Variants in ALPL observed in about 807,000 individuals in gnomAD.
ALPL encodes the protein alkaline phosphatase, tissue-nonspecific isozyme.
Under a neutral mutation model 51.3 loss-of-function variants are expected in ALPL, and 42 were observed. The ratio of observed to expected loss-of-function variants is 0.82; its 90% CI spans 0.64 to 1.06. The LOEUF (loss-of-function observed/expected upper bound fraction) is 1.06, where lower values mean the gene tolerates loss of function less well. ALPL is among the 50% of genes least tolerant of loss of function. ALPL has a pLI of 0.00. For missense variants in ALPL, 589 were observed against 709.4 expected (o/e 0.83, Z 1.93); for synonymous variants, 279 against 296.4 (o/e 0.94, Z 0.60).
chr1:21,535,066 C>T (rs1644080045), intron 1 of ALPL, among the ~76,000 whole-genome samples: 1 of 152,122 alleles, frequency 6.6e-6, no homozygotes, highest in African/African-American at 2.4e-5. Flanking sequence ...CTAGAACAGC[C>T]CCTGGCATAT....
Position 21,563,233 on chromosome 1 carries a change from A to G in ALPL, c.421A>G (p.Thr141Ala). 6.2e-7 allele frequency: 1 copy of G among 1,613,784 alleles called. No individual in the cohort carries two copies. Among genetic ancestry groups the G allele is most frequent in the African/African-American group, 1.3e-5 (1 of 75,034 alleles). ...SAATERSRCN[T>A]TQGNEVTSIL... ...AGCCACTGAGCGTTCCCGGTGCAAC[A>G]CCACCCAGGGGAACGAGGTCACCTC... The change falls in exon 5 of 12, where the codon ACC becomes GCC. Residue 141 changes from threonine to alanine, a missense_variant. Transcript: ENST00000374840.
At chr1:21,555,776 TTTTC>T (rs1384387798) in intron 2 of ALPL, among the ~76,000 whole-genome samples, 1 of 151,370 alleles carries the variant, frequency 6.6e-6, no homozygotes, top group African/African-American at 2.4e-5. Context: ...AGTTTTTTGT[TTTTC>T]TTTTTTTTGA....
rs1265450081 is a variant in ALPL at position 21,568,133 on chromosome 1, G to A, written c.678G>A (p.Met226Ile). The part of the protein sequence containing the change: ...DVIMGGGRKY[M>I]YPKNKTDVEY... The stretch of plus-strand genomic sequence containing the variant: ...TCATGGGGGGTGGCCGGAAATACAT[G>A]TACCCCAAGAATAAAACTGATGTGG... Residue 226 changes from methionine (M) to isoleucine (I), a missense_variant, in exon 7 of 12, where the codon ATG becomes ATA. Coordinates refer to ENST00000374840, the MANE Select transcript of ALPL (RefSeq NM_000478.6). 2 of 1,613,988 alleles carry A rather than the reference G, an allele frequency of 1.2e-6. No individual in the cohort carries two copies. The highest frequency in any genetic ancestry group is 1.7e-6 in the Non-Finnish European group (2 of 1,180,040).
intron 1 of ALPL, among the ~76,000 whole-genome samples, chr1:21,523,519 C>T (rs868305199): frequency 2.0e-5 from 3 of 152,166 alleles, no homozygotes; most frequent in Non-Finnish European, 4.4e-5. Flanking sequence ...TGCATGCTGG[C>T]GCTATATGAT....
intron 4 of ALPL, among the ~76,000 whole-genome samples, chr1:21,561,817 C>T (rs1303187233): frequency 1.3e-5 from 2 of 152,048 alleles, no homozygotes; most frequent in African/African-American, 4.8e-5. Context: ...CAGGCATGCG[C>T]CACCATGCCC....
chr1:21,546,205 C>T lies in ALPL; in HGVS notation c.-104-7773C>T, dbSNP rs573079019. Among the ~76,000 whole-genome samples the T allele has an allele frequency of 5.3e-5, 8 of 152,204 alleles. No homozygotes were observed. In the East Asian group the frequency reaches 9.6e-4, roughly 18 times the overall value. On this transcript the variant is annotated intron_variant, in intron 1 of 11. Transcript: ENST00000374840. ...TGAGGATCTGACGCAATTTGAGTTA[C>T]GGGAATGTTGAGAAAGAAAAGGGCG...
chr1:21,538,630 TA>T (rs1644141878), intron 1 of ALPL, among the ~76,000 whole-genome samples: 1 of 152,072 alleles, frequency 6.6e-6, no homozygotes, highest in Non-Finnish European at 1.5e-5. Context: ...CATCCTCTGC[TA>T]GGGGGAGGGG....
intron 1 of ALPL, among the ~76,000 whole-genome samples, chr1:21,517,564 C>T (rs993443279): frequency 5.3e-5 from 8 of 152,070 alleles, no homozygotes; most frequent in African/African-American, 1.9e-4. Flanking sequence ...GTCTGTTCTC[C>T]CAGACAGTGT....
In ALPL at chr1:21,564,881, CAT is replaced by C; in HGVS notation, c.648+666_648+667del. 6.6e-6 allele frequency among the ~76,000 whole-genome samples: 1 copy of C among 152,318 alleles called. No homozygotes were observed. Among genetic ancestry groups the C allele is most frequent in the Non-Finnish European group, 1.5e-5 (1 of 68,024 alleles). On this transcript the variant is annotated intron_variant, in intron 6 of 11. Coordinates refer to ENST00000374840, the MANE Select transcript of ALPL (RefSeq NM_000478.6). This position sits in a 1 kb window ranked among gnomAD's most constrained non-coding sequence, Gnocchi z 5.8. ...GGTGGTGGCACTTACGCAGGAGCCA[CAT>C]GTCCTTGCCCTGAAACACACTTCAA...
rs758974210 is a variant in ALPL at position 21,563,290 on chromosome 1, T to A, written c.472+6T>A. 2.5e-6 allele frequency: 4 copies of A among 1,604,044 alleles called. No homozygotes were observed. Among genetic ancestry groups the A allele is most frequent in the Non-Finnish European group, 2.6e-6 (3 of 1,173,862 alleles). ...GCGCTGGGCCAAGGACGCTGGTGAG[T>A]CGGGGGAGCAGTGGGGAGCAGGGCC... is the stretch of plus-strand genomic sequence containing the variant. On this transcript the variant is annotated splice_donor_region_variant and intron_variant, in intron 5 of 11. Transcript: ENST00000374840.
intron 1 of ALPL, among the ~76,000 whole-genome samples, chr1:21,530,632 G>A (rs1644014814): frequency 6.6e-6 from 1 of 152,166 alleles, no homozygotes. Context: ...ACAGTGAGGA[G>A]AAGGGGCTAT....
At chr1:21,541,713 G>T (rs949568263) in intron 1 of ALPL, among the ~76,000 whole-genome samples, 3 of 152,214 alleles carry the variant, frequency 2.0e-5, no homozygotes, top group African/African-American at 7.2e-5. Context: ...GCTGGGGTAG[G>T]GTAGGGAGAG....
rs1455897672 is a variant in ALPL at position 21,575,874 on chromosome 1, C to T, written c.1139C>T (p.Ser380Phe). The T allele has an allele frequency of 6.2e-7, 1 of 1,614,230 alleles. No homozygotes were observed. Among genetic ancestry groups the T allele is most frequent in the Non-Finnish European group, 8.5e-7 (1 of 1,180,046 alleles). The stretch of plus-strand genomic sequence containing the variant: ...CTGACCGTGGTCACTGCGGACCATT[C>T]CCACGTCTTCACATTTGGTGGATAC... ...DTLTVVTADH[S>F]HVFTFGGYTP... The change falls in exon 10 of 12, where the codon TCC (serine) becomes TTC (phenylalanine). Residue 380 changes from serine (S) to phenylalanine (F), a missense_variant. Physicochemically the swap from Ser to Phe is radical, Grantham distance 155. Transcript: ENST00000374840.
intron 8 of ALPL, among the ~76,000 whole-genome samples, chr1:21,572,596 G>C (rs996175497): frequency 1.2e-4 from 18 of 152,272 alleles, no homozygotes; most frequent in African/African-American, 4.1e-4. Context: ...GCTGGCTTTT[G>C]CCTGCTTCCA....
chr1:21,568,281 T>G (rs1217259645), intron 7 of ALPL, 34 bp downstream of exon 7: 1 of 1,613,114 alleles, frequency 6.2e-7, no homozygotes. Flanking sequence ...GCTGCAGAGG[T>G]GGCCTGTGAT....
At chr1:21,536,966 G>T in intron 1 of ALPL, among the ~76,000 whole-genome samples, 1 of 137,444 alleles carries the variant, frequency 7.3e-6, no homozygotes, top group East Asian at 2.2e-4. Context: ...GCGCGATCTT[G>T]GCTCACTACA....
intron 8 of ALPL, among the ~76,000 whole-genome samples, chr1:21,573,289 T>C (rs1489508390): frequency 6.6e-6 from 1 of 151,756 alleles, no homozygotes; most frequent in African/African-American, 2.4e-5. Context: ...CAACAAAAAT[T>C]AGCTGGGTGT....
At chr1:21,545,324 T>C (rs990224260) in intron 1 of ALPL, among the ~76,000 whole-genome samples, 2 of 152,116 alleles carry the variant, frequency 1.3e-5, no homozygotes, top group African/African-American at 4.8e-5. Context: ...AGAGTCTCAC[T>C]CTGTCGCCCA....
rs1413274209 is a variant in ALPL at position 21,577,544 on chromosome 1, G to A, written c.1471G>A (p.Gly491Arg). ...PHVMAYAACIGANLGHCAPAS... is the reference protein window; with the variant it reads ...PHVMAYAACIRANLGHCAPAS... ...CGTGATGGCGTATGCAGCCTGCATCGGGGCCAACCTCGGCCACTGTGCTCC... is the reference window on the plus strand; with the variant it reads ...CGTGATGGCGTATGCAGCCTGCATCAGGGCCAACCTCGGCCACTGTGCTCC... The change falls in exon 12 of 12, where the codon GGG (glycine) becomes AGG (arginine). Residue 491 changes from glycine to arginine, a missense_variant. Coordinates refer to ENST00000374840, the MANE Select transcript of ALPL (RefSeq NM_000478.6). 49 of 1,605,860 alleles carry A rather than the reference G, an allele frequency of 3.1e-5. No individual in the cohort carries two copies. The highest frequency in any genetic ancestry group is 3.8e-5 in the Non-Finnish European group (45 of 1,179,806).
Sources: allele counts gnomAD v4.1 joint callset (sites outside exome capture counted in the v4.1 genomes callset), GRCh38; gene constraint gnomAD v4.1.1; non-coding constraint Gnocchi (gnomAD v3.1); transcripts MANE v1.5; gene names NCBI Gene and HGNC (gene_info 2026-07-23, HGNC 2026-07-21).